Variants in RFC1 observed in about 807,000 individuals in gnomAD.
The protein encoded by RFC1 is replication factor C subunit 1.
In RFC1, 37 loss-of-function variants were observed where a neutral mutation model predicts 137.4. The ratio of observed to expected loss-of-function variants is 0.27; its 90% CI spans 0.21 to 0.35. RFC1 has a LOEUF of 0.35. Among genes scored for constraint, RFC1 ranks in the 10% least tolerant of loss-of-function variants. RFC1 has a pLI of 1.00. For missense variants in RFC1, 1,205 were observed against 1,358.5 expected (o/e 0.89, Z 1.78); for synonymous variants, 429 against 455.7 (o/e 0.94, Z 0.75).
rs142678132 is a variant in RFC1, at chr4:39,323,334, T to G, written c.720+6A>C. 3 of 1,613,784 alleles carry G rather than the reference T, an allele frequency of 1.9e-6. No homozygotes were observed. The East Asian group carries it at 6.7e-5, about 36-fold the overall frequency. On this transcript the variant is annotated splice_donor_region_variant and intron_variant, in intron 7 of 24. Coordinates refer to ENST00000349703, the MANE Select transcript of RFC1 (RefSeq NM_002913.5). ...TCAGAACGCAAATAGCCCAACATTA[T>G]GCCACCTTTTTGGTCTTGGGTTCTT...
chr4:39,299,378 T>C (rs929531576), intron 21 of RFC1, among the ~76,000 whole-genome samples: 2 of 152,066 alleles, frequency 1.3e-5, no homozygotes, highest in African/African-American at 4.8e-5. Context: ...CTTTAATTCC[T>C]CTAGTGCCGC....
intron 1 of RFC1, among the ~76,000 whole-genome samples, chr4:39,363,800 A>T (rs1741876658): frequency 6.6e-6 from 1 of 151,868 alleles, no homozygotes; most frequent in Non-Finnish European, 1.5e-5. Context: ...GCTGAGGCAC[A>T]AGAATCGCTT....
At position 39,316,962 on chromosome 4, in the gene RFC1, A is replaced by G. The variant is rs766700478; in HGVS notation, c.1156T>C (p.Leu386=). 1.2e-6 allele frequency: 2 copies of G among 1,614,154 alleles called. No individual in the cohort carries two copies. The highest frequency in any genetic ancestry group is 2.2e-5 in the South Asian group (2 of 91,082). ...AGAGCCTTGGGACCTTCTCGATTTA[A>G]GTAGCTTCGATAAGCTTGATAATTA... is the stretch of plus-strand genomic sequence containing the variant. ...RTNYQAYRSY[L]NREGPKALGS... is the part of the protein sequence containing the mutation. Residue 386 remains leucine (L), a synonymous_variant, in exon 10 of 25, where the codon TTA becomes CTA. Coordinates refer to ENST00000349703, the MANE Select transcript of RFC1 (RefSeq NM_002913.5).
chr4:39,292,043 A>T, intron 22 of RFC1, 191 bp from the exon 23 acceptor site: 2 of 556,694 alleles, frequency 3.6e-6, no homozygotes, highest in Non-Finnish European at 6.4e-6. Flanking sequence ...TAATGGGTAC[A>T]CATCAATGTG....
rs746294007 is a variant in RFC1 at position 39,342,410 on chromosome 4, A to C, written c.266T>G (p.Leu89Arg). The change falls in exon 4 of 25, where the codon CTG becomes CGG. Residue 89 changes from leucine to arginine, a missense_variant. By Grantham distance (102) the Leu-to-Arg change is moderately radical (BLOSUM62 -2). Coordinates refer to ENST00000349703, the MANE Select transcript of RFC1 (RefSeq NM_002913.5). ...VKNAKKPPEKLPVSSKPGKIS... is the reference protein window; with the variant it reads ...VKNAKKPPEKRPVSSKPGKIS... ...TTTACCAGGTTTAGAAGATACTGGC[A>C]GTTTTTCTGGTGGCTTTTTGGCATT... The C allele has an allele frequency of 6.2e-7, 1 of 1,613,650 alleles. No individual in the cohort carries two copies. Among genetic ancestry groups the C allele is most frequent in the Non-Finnish European group, 8.5e-7 (1 of 1,179,672 alleles).
At chr4:39,356,761 T>A (rs1054522152) in intron 1 of RFC1, among the ~76,000 whole-genome samples, 1 of 152,218 alleles carries the variant, frequency 6.6e-6, no homozygotes, top group African/African-American at 2.4e-5. Context: ...AAAATTTATT[T>A]TAAGTCAAAC....
chr4:39,365,173 A>C (rs1244101233), intron 1 of RFC1, among the ~76,000 whole-genome samples: 2 of 151,078 alleles, frequency 1.3e-5, no homozygotes, highest in Non-Finnish European at 3.0e-5. Flanking sequence ...AAAAAAAAAA[A>C]AAACCATGGA....
intron 1 of RFC1, among the ~76,000 whole-genome samples, chr4:39,352,957 T>C (rs1307278196): frequency 1.3e-5 from 2 of 152,114 alleles, no homozygotes; most frequent in Non-Finnish European, 2.9e-5. Context: ...TAAGAAAAGT[T>C]AGCAATTATT....
At chr4:39,291,618 C>G (rs1737680346) in intron 23 of RFC1, 21 bp downstream of exon 23, 1 of 1,544,240 alleles carries the variant, frequency 6.5e-7, no homozygotes, top group African/African-American at 1.4e-5. Context: ...TGACGAAGAA[C>G]CAGTGAGTGA....
intron 2 of RFC1, among the ~76,000 whole-genome samples, chr4:39,349,701 A>G (rs894609223): frequency 2.0e-5 from 3 of 152,194 alleles, no homozygotes; most frequent in Non-Finnish European, 4.4e-5. Context: ...ATTAGCAGAT[A>G]AGAATTTTAA....
At chr4:39,358,622 T>C (rs1036656652) in intron 1 of RFC1, among the ~76,000 whole-genome samples, 32 of 152,168 alleles carry the variant, frequency 2.1e-4, no homozygotes, top group African/African-American at 7.7e-4. Context: ...TGCTCATTTA[T>C]TAAAATAAGC....
chr4:39,355,513 A>G (rs1434205559), intron 1 of RFC1, among the ~76,000 whole-genome samples: 4 of 152,130 alleles, frequency 2.6e-5, no homozygotes, highest in Non-Finnish European at 5.9e-5. Flanking sequence ...AAAAATAAAT[A>G]AAAGCTCCTA....
Position 39,321,512 on chromosome 4 carries a change from T to C in RFC1, c.721-138A>G, listed in dbSNP as rs2109670351. 10 of 666,720 alleles carry C rather than the reference T, an allele frequency of 1.5e-5. No homozygotes were observed. In the South Asian group the frequency reaches 2.0e-4, roughly 13 times the overall value. The allele number at this position is 666,720 out of a possible 1,614,324, so 41.3% of individuals were successfully genotyped here. On this transcript the variant is annotated intron_variant, in intron 7 of 24. Transcript: ENST00000349703. ...ACTACAATAAACTGTCATTCATTCA[T>C]CCACAAAATTTCCAAGGCAAATGAG...
intron 2 of RFC1, among the ~76,000 whole-genome samples, chr4:39,349,048 G>A (rs546382973): frequency 9.1e-6 from 1 of 110,464 alleles, no homozygotes; most frequent in African/African-American, 3.4e-5. Context: ...TCCTTATCTG[G>A]TTTCACAGGT....
In RFC1 at chr4:39,351,421, G is replaced by A. The variant is rs753085990; in HGVS notation, c.59C>T (p.Thr20Ile). ...CTTTGTTTTCTCATTCTTCTTTACT[G>A]TTTCACTTACAAGTTTCTTTCCACT... Reference protein sequence around the residue: ...IPSGKKLVSETVKKNEKTKSD... With the variant: ...IPSGKKLVSEIVKKNEKTKSD... Residue 20 changes from threonine (T) to isoleucine (I), a missense_variant, in exon 2 of 25, where the codon ACA (threonine) becomes ATA (isoleucine). Around this residue, in one of 3 missense-constraint regions of RFC1, gnomAD observed 962 missense variants for 1,035.3 expected, o/e 0.93. Coordinates refer to ENST00000349703, the MANE Select transcript of RFC1 (RefSeq NM_002913.5). The A allele has an allele frequency of 5.1e-6, 8 of 1,578,370 alleles. No individual in the cohort carries two copies. The highest frequency in any genetic ancestry group is 4.3e-6 in the Non-Finnish European group (5 of 1,165,326).
rs115473399 is a variant in RFC1 at position 39,331,447 on chromosome 4, G to A, written c.332-3691C>T. Among the ~76,000 whole-genome samples, 1,503 of 152,216 alleles carry A rather than the reference G, an allele frequency of 9.9e-3. 22 individuals carry two copies. Among genetic ancestry groups the A allele is most frequent in the African/African-American group, 0.032 (1,330 of 41,516 alleles). On this transcript the variant is annotated intron_variant, in intron 4 of 24. Coordinates refer to ENST00000349703, the MANE Select transcript of RFC1 (RefSeq NM_002913.5). ...AGTGGGTGAGATCAACTACTATGGA[G>A]AGCAGATTGTAACAGGGCAAGAAAA...
intron 19 of RFC1, 49 bp downstream of exon 19, chr4:39,302,229 G>T: frequency 1.8e-6 from 2 of 1,135,052 alleles, no homozygotes; most frequent in Non-Finnish European, 2.7e-6. Flanking sequence ...TACAGAACAA[G>T]AAGTGTTTTG....
chr4:39,291,846 G>A lies in RFC1; in HGVS notation c.2961C>T (p.Tyr987=), dbSNP rs779045370. The change falls in exon 23 of 25, where the codon TAC becomes TAT. Residue 987 remains tyrosine (Y), a synonymous_variant. Coordinates refer to ENST00000349703, the MANE Select transcript of RFC1 (RefSeq NM_002913.5). Reference sequence around the variant, plus strand: ...CCATGTTTACAGTCCTTTTGCTGGAGTAAGTTCTGAAACCACAACAAAAGA... The same window carrying A: ...CCATGTTTACAGTCCTTTTGCTGGAATAAGTTCTGAAACCACAACAAAAGA... ...DLALHMSLRT[Y]SSKRTVNMDY... is the part of the protein sequence containing the mutation. 1.9e-6 allele frequency: 3 copies of A among 1,613,506 alleles called. No individual in the cohort carries two copies. The highest frequency in any genetic ancestry group is 1.1e-5 in the South Asian group (1 of 91,074).
At chr4:39,334,068 CA>C (rs2109707925) in intron 4 of RFC1, among the ~76,000 whole-genome samples, 1 of 152,110 alleles carries the variant, frequency 6.6e-6, no homozygotes, top group African/African-American at 2.4e-5. Context: ...GGGTAATTCT[CA>C]AGGACTGGCT....
Sources: allele counts gnomAD v4.1 joint callset (sites outside exome capture counted in the v4.1 genomes callset), GRCh38; gene constraint gnomAD v4.1.1; regional missense constraint gnomAD v4.1.1; transcripts MANE v1.5; gene names NCBI Gene and HGNC (gene_info 2026-07-23, HGNC 2026-07-21).